HES7: variants seen among roughly 807,000 people sequenced by gnomAD.
HES7 encodes the protein transcription factor HES-7.
In HES7, 8 loss-of-function variants were observed where a neutral mutation model predicts 18.0. The observed-to-expected ratio is 0.45, with a 90% confidence interval of 0.26 to 0.80. The LOEUF is 0.80. Among genes scored for constraint, HES7 ranks in the 30% least tolerant of loss-of-function variants. The pLI is 0.18. For missense variants in HES7, 356 were observed against 340.9 expected (o/e 1.04, Z -0.35); for synonymous variants, 170 against 158.6 (o/e 1.07, Z -0.54).
At position 8,122,283 on chromosome 17, in the gene HES7, C is replaced by T. The variant is rs569563394; in HGVS notation, c.226+60G>A. On this transcript the variant is annotated intron_variant, in intron 3 of 3. Transcript: ENST00000541682. The surrounding 1 kb of genome is among the most constrained non-coding windows in gnomAD (Gnocchi z 6.9). ...ACCGCAGGGCCCGCCCACTCTGCCC[C>T]GGCCGGAGCCTCCTGGCGTCCCCCC... The T allele has an allele frequency of 3.2e-5, 45 of 1,425,638 alleles. No individual in the cohort carries two copies. The highest frequency in any genetic ancestry group is 2.1e-4 in the Middle Eastern group (1 of 4,796). 88.3% of individuals were successfully genotyped at this position (1,425,638 alleles called of 1,614,324 possible). A position where few individuals can be genotyped will look rare whatever the true frequency, so the allele number is the denominator to read the frequency against.
Position 8,122,453 on chromosome 17 carries a change from C to A in HES7, c.139-23G>T. On this transcript the variant is annotated intron_variant, in intron 2 of 3. Coordinates refer to ENST00000541682, the MANE Select transcript of HES7 (RefSeq NM_001165967.2). The surrounding 1 kb of genome is among the most constrained non-coding windows in gnomAD (Gnocchi z 6.9). ...GTTCTACAGACGGGAGGGGAGGGCGCAGAGACAGAAAGGGGTGGGGAGAAA... is the reference window on the plus strand; with the variant it reads ...GTTCTACAGACGGGAGGGGAGGGCGAAGAGACAGAAAGGGGTGGGGAGAAA... 6.6e-7 allele frequency: 1 copy of A among 1,513,996 alleles called. No individual in the cohort carries two copies. The highest frequency in any genetic ancestry group is 9.0e-7 in the Non-Finnish European group (1 of 1,110,740). The allele number at this position is 1,513,996 out of a possible 1,614,324, so 93.8% of individuals were successfully genotyped here. A position where few individuals can be genotyped will look rare whatever the true frequency, so the allele number is the denominator to read the frequency against.
chr17:8,125,563 C>T (rs1286073904), upstream of HES7, among the ~76,000 whole-genome samples: 1 of 152,234 alleles, frequency 6.6e-6, no homozygotes, highest in Non-Finnish European at 1.5e-5. Flanking sequence ...TGTGGGGCCG[C>T]CCCTGGCCAT....
In HES7 at chr17:8,122,926, C is replaced by A. The variant is rs1003464870; in HGVS notation, c.138+105G>T. ...AAAGGCGGGACTCGGGTGAGGATGC[C>A]TTGGGGCCAGGGTTGCCAACCAAGC... On this transcript the variant is annotated intron_variant, in intron 2 of 3. Transcript: ENST00000541682. The surrounding 1 kb of genome is among the most constrained non-coding windows in gnomAD (Gnocchi z 6.9). The A allele has an allele frequency of 3.4e-6, 3 of 889,206 alleles. No individual in the cohort carries two copies. The South Asian group carries it at 4.3e-5, about 13-fold the overall frequency. The allele number at this position is 889,206 out of a possible 1,614,324, so 55.1% of individuals were successfully genotyped here. A position where few individuals can be genotyped will look rare whatever the true frequency, so the allele number is the denominator to read the frequency against.
chr17:8,124,694 G>T (rs566870530), upstream of HES7, among the ~76,000 whole-genome samples: 1 of 152,164 alleles, frequency 6.6e-6, no homozygotes, highest in African/African-American at 2.4e-5. Context: ...AGGCTCGGGC[G>T]AGTCATAGTG....
chr17:8,123,525 T>A lies in HES7; in HGVS notation c.43-399A>T, dbSNP rs1240782886. 6.3e-6 allele frequency: 2 copies of A among 316,622 alleles called. No homozygotes were observed. The highest frequency in any genetic ancestry group is 4.3e-5 in the African/African-American group (2 of 46,692). The allele number at this position is 316,622 out of a possible 1,614,324, so 19.6% of individuals were successfully genotyped here. On this transcript the variant is annotated intron_variant, in intron 1 of 3. Transcript: ENST00000541682. The surrounding 1 kb of genome is among the most constrained non-coding windows in gnomAD (Gnocchi z 5.9). ...GCGGCCCTGAGTATAGAAAGGGAGA[T>A]ACCTAGCGCGACCGCGCCGCCTCTT...
At chr17:8,124,263 A>G (rs1204029356), upstream of HES7, among the ~76,000 whole-genome samples, 1 of 152,028 alleles carries the variant, frequency 6.6e-6, no homozygotes, top group Non-Finnish European at 1.5e-5. Context: ...GGGGAAGGAG[A>G]GAAACTGGCC....
At position 8,121,250 on chromosome 17, in the gene HES7, C is replaced by T; in HGVS notation, c.*321G>A. On this transcript the variant is annotated 3_prime_UTR_variant, in exon 4 of 4. Coordinates refer to ENST00000541682, the MANE Select transcript of HES7 (RefSeq NM_001165967.2). Reference sequence around the variant, plus strand: ...CGTCGAGATAAAGGCAGGCCCCTGGCTCGGGGACACACGGGGATTTAATAA... The same window carrying T: ...CGTCGAGATAAAGGCAGGCCCCTGGTTCGGGGACACACGGGGATTTAATAA... The T allele has an allele frequency of 4.2e-6, 1 of 240,598 alleles. No homozygotes were observed. Among genetic ancestry groups the T allele is most frequent in the Non-Finnish European group, 7.9e-6 (1 of 126,096 alleles). 14.9% of individuals were successfully genotyped at this position (240,598 alleles called of 1,614,324 possible).
Position 8,121,850 on chromosome 17 carries a change from G to C in HES7, c.414C>G (p.Pro138=), listed in dbSNP as rs62063067. The C allele has an allele frequency of 1.9e-6, 3 of 1,572,056 alleles. No individual in the cohort carries two copies. The highest frequency in any genetic ancestry group is 1.4e-5 in the African/African-American group (1 of 71,196). ...HGYLRPKPPR[P]KPVDPRPPAP... ...CTGGAGGCCTCGGATCTACCGGCTT[G>C]GGCCGGGGCGGTTTGGGGCGCAGAT... is the stretch of plus-strand genomic sequence containing the variant. Residue 138 remains proline, a synonymous_variant, in exon 4 of 4, where the codon CCC becomes CCG. Coordinates refer to ENST00000541682, the MANE Select transcript of HES7 (RefSeq NM_001165967.2).
upstream of HES7, among the ~76,000 whole-genome samples, chr17:8,126,619 C>A (rs1202826198): frequency 6.6e-6 from 1 of 152,138 alleles, no homozygotes. Flanking sequence ...CTGCGGCGAC[C>A]ACTTGTGAGC....
At position 8,123,541 on chromosome 17, in the gene HES7, G is replaced by A. The variant is rs1981472606; in HGVS notation, c.43-415C>T. Reference sequence around the variant, plus strand: ...AAAGGGAGATACCTAGCGCGACCGCGCCGCCTCTTTTCCCTCAAAACCCTC... The same window carrying A: ...AAAGGGAGATACCTAGCGCGACCGCACCGCCTCTTTTCCCTCAAAACCCTC... On this transcript the variant is annotated intron_variant, in intron 1 of 3. Transcript: ENST00000541682. This position sits in a 1 kb window ranked among gnomAD's most constrained non-coding sequence, Gnocchi z 5.9. 2.3e-5 allele frequency: 7 copies of A among 305,850 alleles called. No homozygotes were observed. In the South Asian group the frequency reaches 2.8e-4, roughly 12 times the overall value. The allele number at this position is 305,850 out of a possible 1,614,324, so 18.9% of individuals were successfully genotyped here.
In HES7 at chr17:8,123,796, C is replaced by G. The variant is rs1378028602; in HGVS notation, c.42+247G>C. Among the ~76,000 whole-genome samples, 3 of 152,254 alleles carry G rather than the reference C, an allele frequency of 2.0e-5. No homozygotes were observed. Among genetic ancestry groups the G allele is most frequent in the Non-Finnish European group, 4.4e-5 (3 of 68,054 alleles). On this transcript the variant is annotated intron_variant, in intron 1 of 3. Coordinates refer to ENST00000541682, the MANE Select transcript of HES7 (RefSeq NM_001165967.2). The surrounding 1 kb of genome is among the most constrained non-coding windows in gnomAD (Gnocchi z 5.9). ...CAACACCGGCCCCCTCCCCAGGCCA[C>G]AAGGTGCCGACACCCATTACCGAGG...
upstream of HES7, among the ~76,000 whole-genome samples, chr17:8,124,442 G>C (rs1255604431): frequency 4.6e-5 from 7 of 152,160 alleles, no homozygotes; most frequent in African/African-American, 1.7e-4. Flanking sequence ...GAGGCTTACT[G>C]TACCCTCACT....
At position 8,121,560 on chromosome 17, in the gene HES7, C is replaced by A. The variant is rs8076664; in HGVS notation, c.*11G>T. On this transcript the variant is annotated 3_prime_UTR_variant, in exon 4 of 4. Coordinates refer to ENST00000541682, the MANE Select transcript of HES7 (RefSeq NM_001165967.2). ...CCACCCCTAGACCCCGCCCCCACCACCCCCCAAGGCTCAGGGCCAAGGTCT... is the reference window on the plus strand; with the variant it reads ...CCACCCCTAGACCCCGCCCCCACCAACCCCCAAGGCTCAGGGCCAAGGTCT... 27 of 1,293,456 alleles carry A rather than the reference C, an allele frequency of 2.1e-5. No individual in the cohort carries two copies. Among genetic ancestry groups the A allele is most frequent in the Middle Eastern group, 5.8e-4 (2 of 3,476 alleles). 80.1% of individuals were successfully genotyped at this position (1,293,456 alleles called of 1,614,324 possible). A position where few individuals can be genotyped will look rare whatever the true frequency, so the allele number is the denominator to read the frequency against.
At position 8,120,980 on chromosome 17, in the gene HES7, C is replaced by T. The variant is rs998158254; in HGVS notation, c.*591G>A. The T allele has an allele frequency of 1.3e-5, 2 of 152,718 alleles. No individual in the cohort carries two copies. The highest frequency in any genetic ancestry group is 2.9e-5 in the Non-Finnish European group (2 of 68,056). 9.5% of individuals were successfully genotyped at this position (152,718 alleles called of 1,614,324 possible). On this transcript the variant is annotated 3_prime_UTR_variant, in exon 4 of 4. Transcript: ENST00000541682. ...ACTTCTAGTGACGAATAGAGCAATTCAAAGGTTGTGGGTTCGAATCCCACC... is the reference window on the plus strand; with the variant it reads ...ACTTCTAGTGACGAATAGAGCAATTTAAAGGTTGTGGGTTCGAATCCCACC...
rs763077546 is a variant in HES7 at position 8,121,001 on chromosome 17, C to T, written c.*570G>A. The T allele has an allele frequency of 1.3e-5, 2 of 152,716 alleles. No homozygotes were observed. Among genetic ancestry groups the T allele is most frequent in the African/African-American group, 2.4e-5 (1 of 41,458 alleles). 9.5% of individuals were successfully genotyped at this position (152,716 alleles called of 1,614,324 possible). On this transcript the variant is annotated 3_prime_UTR_variant, in exon 4 of 4. Coordinates refer to ENST00000541682, the MANE Select transcript of HES7 (RefSeq NM_001165967.2). ...AATTCAAAGGTTGTGGGTTCGAATC[C>T]CACCAGAGTCGATTTTATTTCAATT...
Position 8,121,988 on chromosome 17 carries a change from C to G in HES7, c.276G>C (p.Ala92=). The G allele has an allele frequency of 1.3e-5, 20 of 1,533,568 alleles. No homozygotes were observed. The highest frequency in any genetic ancestry group is 1.7e-5 in the Non-Finnish European group (20 of 1,149,248). 95.0% of individuals were successfully genotyped at this position (1,533,568 alleles called of 1,614,324 possible). A position where few individuals can be genotyped will look rare whatever the true frequency, so the allele number is the denominator to read the frequency against. Residue 92 remains alanine, a synonymous_variant, in exon 4 of 4, where the codon GCG becomes GCC. Coordinates refer to ENST00000541682, the MANE Select transcript of HES7 (RefSeq NM_001165967.2). The part of the protein sequence containing the change: ...VPRSPVQDAE[A]LASCYLSGFR... ...AACCGGACAAGTAGCAGCTGGCGAG[C>G]GCCTCGGCGTCCTGGACTGGGGACC...
rs1216576599 is a variant in HES7 at position 8,123,680 on chromosome 17, T to C, written c.42+363A>G. 6.6e-6 allele frequency among the ~76,000 whole-genome samples: 1 copy of C among 152,184 alleles called. No individual in the cohort carries two copies. The highest frequency in any genetic ancestry group is 1.5e-5 in the Non-Finnish European group (1 of 68,032). On this transcript the variant is annotated intron_variant, in intron 1 of 3. Transcript: ENST00000541682. The surrounding 1 kb of genome is among the most constrained non-coding windows in gnomAD (Gnocchi z 5.9). ...CCGCCTTGGGCCAGCCCCGCCCGGCTCACAGCCAGAGTGGAGCAAGTGCCT... is the reference window on the plus strand; with the variant it reads ...CCGCCTTGGGCCAGCCCCGCCCGGCCCACAGCCAGAGTGGAGCAAGTGCCT...
upstream of HES7, chr17:8,124,159 G>A: frequency 1.3e-6 from 2 of 1,582,314 alleles, no homozygotes; most frequent in South Asian, 2.2e-5. Flanking sequence ...AGGGTAGGAG[G>A]GATAGGACCC....
chr17:8,122,345 G>T lies in HES7; in HGVS notation c.224C>A (p.Pro75Gln). 1 of 1,406,124 alleles carries T rather than the reference G, an allele frequency of 7.1e-7. No homozygotes were observed. The highest frequency in any genetic ancestry group is 2.9e-5 in the East Asian group (1 of 34,898). 87.1% of individuals were successfully genotyped at this position (1,406,124 alleles called of 1,614,324 possible). A position where few individuals can be genotyped will look rare whatever the true frequency, so the allele number is the denominator to read the frequency against. Reference sequence around the variant, plus strand: ...GCTGCCCCACCCCCGCGCTGTACCCGGGGGCTCCACCCGGCTTCGCTCCCT... The same window carrying T: ...GCTGCCCCACCCCCGCGCTGTACCCTGGGGCTCCACCCGGCTTCGCTCCCT... ...YLRERSRVEP[P>Q]AAAAPGVPRS... The change falls in exon 3 of 4, where the codon CCG (proline) becomes CAG (glutamine). Residue 75 changes from proline to glutamine, a missense_variant and splice_region_variant. Coordinates refer to ENST00000541682, the MANE Select transcript of HES7 (RefSeq NM_001165967.2). The surrounding 1 kb of genome is among the most constrained non-coding windows in gnomAD (Gnocchi z 6.9).
Sources: gnomAD v4.1 joint callset for allele counts (sites outside exome capture counted in the v4.1 genomes callset) on GRCh38, gnomAD v4.1.1 for gene constraint, Gnocchi (gnomAD v3.1) non-coding constraint, MANE v1.5 for transcripts, NCBI Gene and HGNC (gene_info 2026-07-23, HGNC 2026-07-21) for gene names.